FLG: variants seen among roughly 807,000 people sequenced by gnomAD.
The protein encoded by FLG is filaggrin, also known as epidermal filaggrin.
In FLG, 6 loss-of-function variants were observed where a neutral mutation model predicts 3.8. The ratio of observed to expected loss-of-function variants is 1.60; its 90% CI spans 0.87 to 3.15. The LOEUF is 3.15. FLG is among the 30% of genes most tolerant of loss of function. The pLI, the probability that FLG is intolerant of heterozygous loss-of-function variation, is 0.00. For synonymous variants in FLG, 2,551 were observed against 1,931.6 expected, an observed-to-expected ratio of 1.32 and a Z score of -8.41; for missense variants, 7,595 against 5,050.9, an observed-to-expected ratio of 1.50 and a Z score of -15.27.
rs2101651288 is a variant in FLG, at chr1:152,313,110, G to T, written c.1776C>A (p.Ser592=). The part of the protein sequence containing the change: ...RHSGSRHHEA[S]SQADSSRHSQ... Reference sequence around the variant, plus strand: ...AGTGTCTAGAGCTGTCAGCCTGAGAGGAAGCTTCATGATGACGTGACCCTG... The same window carrying T: ...AGTGTCTAGAGCTGTCAGCCTGAGATGAAGCTTCATGATGACGTGACCCTG... The change falls in exon 3 of 3, where the codon TCC becomes TCA. Residue 592 remains serine, a synonymous_variant. Coordinates refer to ENST00000368799, the MANE Select transcript of FLG (RefSeq NM_002016.2). 1.2e-6 allele frequency: 2 copies of T among 1,613,864 alleles called. No homozygotes were observed. The highest frequency in any genetic ancestry group is 1.7e-6 in the Non-Finnish European group (2 of 1,179,996).
chr1:152,309,452 T>G lies in FLG; in HGVS notation c.5434A>C (p.Thr1812Pro). Reference protein sequence around the residue: ...RHSASQEGQDTIRGHPGSSRG... With the variant: ...RHSASQEGQDPIRGHPGSSRG... ...CTTGACCCTGGGTGTCCACGAATGG[T>G]GTCCTGACCCTCTTGGGACGCTGAG... Residue 1812 changes from threonine to proline, a missense_variant, in exon 3 of 3, where the codon ACC (threonine) becomes CCC (proline). Thr to Pro is a conservative substitution (Grantham distance 38, BLOSUM62 -1). Coordinates refer to ENST00000368799, the MANE Select transcript of FLG (RefSeq NM_002016.2). 1 of 1,613,006 alleles carries G rather than the reference T, an allele frequency of 6.2e-7. No individual in the cohort carries two copies. The highest frequency in any genetic ancestry group is 1.3e-5 in the African/African-American group (1 of 74,756).
In FLG at chr1:152,309,694, G is replaced by T. The variant is rs1652252596; in HGVS notation, c.5192C>A (p.Thr1731Lys). ...DSEGHSEESD[T>K]QSVSAHGQAG... Reference sequence around the variant, plus strand: ...CTGTCCGTGGGCTGACACTGACTGTGTGTCTGACTCTTCTGAGTGTCCCTC... The same window carrying T: ...CTGTCCGTGGGCTGACACTGACTGTTTGTCTGACTCTTCTGAGTGTCCCTC... The change falls in exon 3 of 3, where the codon ACA (threonine) becomes AAA (lysine). Residue 1731 changes from threonine to lysine, a missense_variant. Coordinates refer to ENST00000368799, the MANE Select transcript of FLG (RefSeq NM_002016.2). 6.2e-7 allele frequency: 1 copy of T among 1,613,878 alleles called. No homozygotes were observed.
In FLG at chr1:152,310,065, A is replaced by G. The variant is rs1652284874; in HGVS notation, c.4821T>C (p.Ser1607=). 1 of 1,612,082 alleles carries G rather than the reference A, an allele frequency of 6.2e-7. No individual in the cohort carries two copies. The highest frequency in any genetic ancestry group is 1.7e-5 in the Admixed American group (1 of 59,846). ...TGGAAGCCGACTCAGACCGCCTCTC[A>G]GAGTCTTCTGAGTGTCCCTCACTGT... The part of the protein sequence containing the change: ...DRDSEGHSED[S]ERRSESASRN... The change falls in exon 3 of 3, where the codon TCT becomes TCC. Residue 1607 remains serine (S), a synonymous_variant. Coordinates refer to ENST00000368799, the MANE Select transcript of FLG (RefSeq NM_002016.2).
rs147613364 is a variant in FLG, at chr1:152,309,577, C to T, written c.5309G>A (p.Ser1770Asn). The change falls in exon 3 of 3, where the codon AGC (serine) becomes AAC (asparagine). Residue 1770 changes from serine (S) to asparagine (N), a missense_variant. Coordinates refer to ENST00000368799, the MANE Select transcript of FLG (RefSeq NM_002016.2). The part of the protein sequence containing the change: ...GRSGSFLYQV[S>N]THEQSESAHG... ...GGCGGACTCAGACTGTTCATGAGTG[C>T]TCACCTGGTAGAGGAAAGACCCTGA... 8.5e-5 allele frequency: 137 copies of T among 1,613,750 alleles called. 1 individual carries two copies. The highest frequency in any genetic ancestry group is 1.1e-4 in the Non-Finnish European group (131 of 1,179,968).
In FLG at chr1:152,311,919, G is replaced by A. The variant is rs200467094; in HGVS notation, c.2967C>T (p.His989=). ...RHGSRHPRSH[H]EDRAGHGHSA... is the part of the protein sequence containing the mutation. ...AGTGCCCGTGACCGGCTCTGTCTTC[G>A]TGATGGGACCTGGGGTGTCTGGAGC... The change falls in exon 3 of 3, where the codon CAC becomes CAT. Residue 989 remains histidine (H), a synonymous_variant. Transcript: ENST00000368799. 224 of 1,614,068 alleles carry A rather than the reference G, an allele frequency of 1.4e-4. 1 individual carries two copies. In the South Asian group the frequency reaches 1.4e-3, roughly 10 times the overall value.
chr1:152,308,853 G>A lies in FLG; in HGVS notation c.6033C>T (p.Leu2011=), dbSNP rs749636062. 1.2e-6 allele frequency: 2 copies of A among 1,613,670 alleles called. No individual in the cohort carries two copies. The highest frequency in any genetic ancestry group is 1.7e-5 in the Admixed American group (1 of 59,988). ...AGERHGSHHQ[L]QSADSSRHSG... ...AGTGTCTGGAGCTGTCTGCTGACTG[G>A]AGCTGGTGGTGGGATCCATGTCTTT... Residue 2011 remains leucine, a synonymous_variant, in exon 3 of 3, where the codon CTC becomes CTT. Transcript: ENST00000368799.
In FLG at chr1:152,304,790, G is replaced by A. The variant is rs532624514; in HGVS notation, c.10096C>T (p.Gln3366Ter). 2 of 1,613,866 alleles carry A rather than the reference G, an allele frequency of 1.2e-6. No individual in the cohort carries two copies. The highest frequency in any genetic ancestry group is 2.2e-5 in the East Asian group (1 of 44,806). The change falls in exon 3 of 3, where the codon CAG (glutamine) becomes TAG (stop). Residue 3366 changes from glutamine (Q) to a stop codon, truncating the protein, a stop_gained. Transcript: ENST00000368799. LOFTEE classifies it low-confidence loss of function (END_TRUNC). ...TCACGTGCGGACTCTTGGTGGCTCT[G>A]CTGATGGGGCCCAGCCTGTCCATGG... Reference protein sequence around the residue: ...SGHGQAGPHQQSHQESARDRS... With the variant: ...SGHGQAGPHQ
chr1:152,314,381 T>A lies in FLG; in HGVS notation c.505A>T (p.Arg169Ter). 6.2e-7 allele frequency: 1 copy of A among 1,613,064 alleles called. No individual in the cohort carries two copies. Among genetic ancestry groups the A allele is most frequent in the Non-Finnish European group, 8.5e-7 (1 of 1,179,642 alleles). The stretch of plus-strand genomic sequence containing the variant: ...TGGTTTTTTCCATATTCTTCTTCTC[T>A]ATGAGTAGGTGAATATCCTTTTCTT... The part of the protein sequence containing the change: ...KERKGYSPTH[R>*]EEEYGKNHHN... The change falls in exon 3 of 3, where the codon AGA becomes TGA. Residue 169 changes from arginine (R) to a stop codon, truncating the protein, a stop_gained. Coordinates refer to ENST00000368799, the MANE Select transcript of FLG (RefSeq NM_002016.2). LOFTEE classifies it low-confidence loss of function (END_TRUNC).
In FLG at chr1:152,312,315, G is replaced by C; in HGVS notation, c.2571C>G (p.His857Gln). Residue 857 changes from histidine (H) to glutamine (Q), a missense_variant, in exon 3 of 3, where the codon CAC (histidine) becomes CAG (glutamine). His to Gln is a conservative substitution (Grantham distance 24, BLOSUM62 0). Coordinates refer to ENST00000368799, the MANE Select transcript of FLG (RefSeq NM_002016.2). ...GTCCAGACCTATCTACCGATTGCTC[G>C]TGGTGGGACCCCTGCCTTCCTCTTC... ...SSRRGRQGSH[H>Q]EQSVDRSGHS... 1.2e-6 allele frequency: 2 copies of C among 1,613,166 alleles called. No individual in the cohort carries two copies. Among genetic ancestry groups the C allele is most frequent in the Non-Finnish European group, 1.7e-6 (2 of 1,179,784 alleles).
chr1:152,303,863 C>T lies in FLG; in HGVS notation c.11023G>A (p.Asp3675Asn), dbSNP rs1481660892. ...SDSEGHSEDSDTQSVSAHGQA... is the reference protein window; with the variant it reads ...SDSEGHSEDSNTQSVSAHGQA... ...CCGTGGGCTGACACTGACTGTGTGT[C>T]TGAGTCTTCTGAATGTCCCTCACTG... Residue 3675 changes from aspartate (D) to asparagine (N), a missense_variant, in exon 3 of 3, where the codon GAC (aspartate) becomes AAC (asparagine). By Grantham distance (23) the Asp-to-Asn change is conservative. Transcript: ENST00000368799. 6.2e-7 allele frequency: 1 copy of T among 1,613,850 alleles called. No homozygotes were observed. The highest frequency in any genetic ancestry group is 8.5e-7 in the Non-Finnish European group (1 of 1,179,928).
At position 152,308,178 on chromosome 1, in the gene FLG, G is replaced by C. The variant is rs780519147; in HGVS notation, c.6708C>G (p.Ser2236Arg). Residue 2236 changes from serine (S) to arginine (R), a missense_variant, in exon 3 of 3, where the codon AGC (serine) becomes AGG (arginine). Ser to Arg is a moderately radical substitution (Grantham distance 110). Coordinates refer to ENST00000368799, the MANE Select transcript of FLG (RefSeq NM_002016.2). ...GQGQSSGPRT[S>R]RPRGSSVSQD... is the part of the protein sequence containing the mutation. ...GGCTAACACTGGATCCCCGGGGCCT[G>C]CTTGTCCTGGGCCCTGATGATTGTC... The C allele has an allele frequency of 6.2e-7, 1 of 1,613,948 alleles. No homozygotes were observed. The highest frequency in any genetic ancestry group is 1.7e-5 in the Admixed American group (1 of 60,006).
In FLG at chr1:152,311,553, A is replaced by G; in HGVS notation, c.3333T>C (p.Ser1111=). Residue 1111 remains serine, a synonymous_variant, in exon 3 of 3, where the codon TCT becomes TCC. Transcript: ENST00000368799. ...GGTAGATGAAAGACCCTGAACGTCC[A>G]GACCTTCCCCCTGACCAGTCACGTG... ...ESARDWSGGR[S]GRSGSFIYQV... 6.2e-7 allele frequency: 1 copy of G among 1,613,934 alleles called. No individual in the cohort carries two copies. Among genetic ancestry groups the G allele is most frequent in the East Asian group, 2.2e-5 (1 of 44,792 alleles).
chr1:152,311,379 CG>C lies in FLG; in HGVS notation c.3506del (p.Pro1169ArgfsTer17). ...QEGQDTIRAH[P>X]GSRRGGRQGS... is the part of the protein sequence containing the mutation. Reference sequence around the variant, plus strand: ...CCTGCCTTCCTCCTCTCCTTGACCCCGGGTGTGCACGAATGGTGTCCTGACC... The same window carrying C: ...CCTGCCTTCCTCCTCTCCTTGACCCCGGTGTGCACGAATGGTGTCCTGACC... On this transcript the variant is annotated frameshift_variant, in exon 3 of 3. Coordinates refer to ENST00000368799, the MANE Select transcript of FLG (RefSeq NM_002016.2). LOFTEE classifies it low-confidence loss of function (END_TRUNC). 1 of 1,613,550 alleles carries C rather than the reference CG, an allele frequency of 6.2e-7. No individual in the cohort carries two copies. The highest frequency in any genetic ancestry group is 8.5e-7 in the Non-Finnish European group (1 of 1,179,928).
Position 152,303,378 on chromosome 1 carries a change from C to T in FLG, c.11508G>A (p.Gln3836=). The T allele has an allele frequency of 6.2e-7, 1 of 1,614,106 alleles. No individual in the cohort carries two copies. The highest frequency in any genetic ancestry group is 1.1e-5 in the South Asian group (1 of 91,078). ...SGSRHHEAST[Q]ADSSRHSQSG... ...ACTGTGAGTGTCTAGAGCTGTCAGC[C>T]TGAGTGGAAGCTTCATGGTGACGCG... The change falls in exon 3 of 3, where the codon CAG becomes CAA. Residue 3836 remains glutamine, a synonymous_variant. Transcript: ENST00000368799.
In FLG at chr1:152,308,330, A is replaced by T; in HGVS notation, c.6556T>A (p.Ser2186Thr). The change falls in exon 3 of 3, where the codon TCC becomes ACC. Residue 2186 changes from serine (S) to threonine (T), a missense_variant. Physicochemically the swap from Ser to Thr is moderately conservative, Grantham distance 58. Transcript: ENST00000368799. ...RSDASRGQSG[S>T]RSASRKTYDK... is the part of the protein sequence containing the mutation. Reference sequence around the variant, plus strand: ...TATGTTTTTCTGCTTGCACTTCTGGATCCTGACTGCCCACGGGAGGCATCA... The same window carrying T: ...TATGTTTTTCTGCTTGCACTTCTGGTTCCTGACTGCCCACGGGAGGCATCA... The T allele has an allele frequency of 6.2e-7, 1 of 1,613,098 alleles. No individual in the cohort carries two copies.
rs1267110298 is a variant in FLG, at chr1:152,302,199, C to T, written c.*501G>A. 1.8e-5 allele frequency: 3 copies of T among 163,098 alleles called. No homozygotes were observed. The South Asian group carries it at 4.7e-4, about 25-fold the overall frequency. The allele number at this position is 163,098 out of a possible 1,614,324, so 10.1% of individuals were successfully genotyped here. On this transcript the variant is annotated 3_prime_UTR_variant, in exon 3 of 3. Coordinates refer to ENST00000368799, the MANE Select transcript of FLG (RefSeq NM_002016.2). The stretch of plus-strand genomic sequence containing the variant: ...GAATAGTTTATTTTTAATTTAGATG[C>T]AGCTTACTATAATATTAATTATGTC...
Position 152,313,768 on chromosome 1 carries a change from T to C in FLG, c.1118A>G (p.His373Arg), listed in dbSNP as rs1652631081. 3 of 1,613,994 alleles carry C rather than the reference T, an allele frequency of 1.9e-6. No individual in the cohort carries two copies. Among genetic ancestry groups the C allele is most frequent in the African/African-American group, 1.3e-5 (1 of 74,908 alleles). The change falls in exon 3 of 3, where the codon CAT (histidine) becomes CGT (arginine). Residue 373 changes from histidine (H) to arginine (R), a missense_variant. Physicochemically the swap from His to Arg is conservative, Grantham distance 29. Transcript: ENST00000368799. ...TSSRGQTASSHEQARSSPGER... is the reference protein window; with the variant it reads ...TSSRGQTASSREQARSSPGER... ...TCCTGGACTTGATCTTGCCTGTTCA[T>C]GGGATGATGCAGTCTGTCCACGAGA...
At position 152,309,486 on chromosome 1, in the gene FLG, G is replaced by T. The variant is rs772604170; in HGVS notation, c.5400C>A (p.Ser1800Arg). 5 of 1,613,786 alleles carry T rather than the reference G, an allele frequency of 3.1e-6. No homozygotes were observed. The African/African-American group carries it at 4.0e-5, about 13-fold the overall frequency. ...CCTCTTGGGACGCTGAGTGCCTGGA[G>T]CTGTCTCGTGCCTGCTCGTGGCGGG... ...QRSRHEQARD[S>R]SRHSASQEGQ... Residue 1800 changes from serine (S) to arginine (R), a missense_variant, in exon 3 of 3, where the codon AGC (serine) becomes AGA (arginine). Ser to Arg is a moderately radical substitution (Grantham distance 110). Coordinates refer to ENST00000368799, the MANE Select transcript of FLG (RefSeq NM_002016.2).
Position 152,302,499 on chromosome 1 carries a change from T to G in FLG, c.*201A>C. ...CTCTCCATGATATTGATTTCTTCCA[T>G]TTAATATTTCTGAAATATAGCGTTT... is the stretch of plus-strand genomic sequence containing the variant. On this transcript the variant is annotated 3_prime_UTR_variant, in exon 3 of 3. Coordinates refer to ENST00000368799, the MANE Select transcript of FLG (RefSeq NM_002016.2). 1.5e-6 allele frequency: 1 copy of G among 668,782 alleles called. No homozygotes were observed. Among genetic ancestry groups the G allele is most frequent in the Non-Finnish European group, 2.5e-6 (1 of 408,022 alleles). The allele number at this position is 668,782 out of a possible 1,614,324, so 41.4% of individuals were successfully genotyped here. A position where few individuals can be genotyped will look rare whatever the true frequency, so the allele number is the denominator to read the frequency against.
Sources: allele counts gnomAD v4.1 joint callset, GRCh38; gene constraint gnomAD v4.1.1; transcripts MANE v1.5; gene names NCBI Gene and HGNC (gene_info 2026-07-23, HGNC 2026-07-21).